Variants in APBB2 observed in about 807,000 individuals in gnomAD.
APBB2 encodes the protein Fe65-like 1.
In APBB2, 38 loss-of-function variants were observed where a neutral mutation model predicts 82.5. The ratio of observed to expected loss-of-function variants is 0.46; its 90% CI spans 0.36 to 0.60. The LOEUF is 0.60. Among genes scored for constraint, APBB2 ranks in the 20% least tolerant of loss-of-function variants. The pLI is 0.00. For missense variants in APBB2, 772 were observed against 972.3 expected (o/e 0.79, Z 2.74); for synonymous variants, 341 against 368.2 (o/e 0.93, Z 0.85).
At chr4:40,960,061 C>G (rs1792664768) in intron 6 of APBB2, among the ~76,000 whole-genome samples, 1 of 152,132 alleles carries the variant, frequency 6.6e-6, no homozygotes, top group African/African-American at 2.4e-5. Flanking sequence ...TTAAAAAAAT[C>G]AGTAGAACGG....
chr4:41,180,806 C>A (rs1469508855), intron 1 of APBB2, among the ~76,000 whole-genome samples: 3 of 152,182 alleles, frequency 2.0e-5, no homozygotes, highest in South Asian at 4.2e-4. Flanking sequence ...CTATGACCAT[C>A]CTCAAGAGGC....
chr4:41,093,551 G>T (rs1333657516), intron 3 of APBB2, among the ~76,000 whole-genome samples: 2 of 151,924 alleles, frequency 1.3e-5, no homozygotes, highest in African/African-American at 4.8e-5. Flanking sequence ...TCTTGCCAAG[G>T]GTTAAAAAGT....
At chr4:41,072,700 A>G (rs893148093) in intron 3 of APBB2, among the ~76,000 whole-genome samples, 2 of 152,320 alleles carry the variant, frequency 1.3e-5, no homozygotes, top group Non-Finnish European at 2.9e-5. Flanking sequence ...ACCTGCCCGG[A>G]GCGTGTTATT....
chr4:41,130,899 T>C (rs1283566457), intron 2 of APBB2, among the ~76,000 whole-genome samples: 1 of 152,128 alleles, frequency 6.6e-6, no homozygotes, highest in Non-Finnish European at 1.5e-5. Flanking sequence ...TAGGATCCTG[T>C]GGCCTTCAGC....
At chr4:40,944,728 C>T in intron 7 of APBB2, 137 bp downstream of exon 7, 1 of 805,282 alleles carries the variant, frequency 1.2e-6, no homozygotes, top group Non-Finnish European at 2.0e-6. Flanking sequence ...GGAAGCATTA[C>T]TGAGATTTCA....
At chr4:40,819,455 G>T (rs1560598860) in intron 17 of APBB2, among the ~76,000 whole-genome samples, 1 of 151,874 alleles carries the variant, frequency 6.6e-6, no homozygotes, top group Non-Finnish European at 1.5e-5. Flanking sequence ...CAAAGTATTG[G>T]GATTACAGGC....
At chr4:41,181,597 A>G (rs993488060) in intron 1 of APBB2, among the ~76,000 whole-genome samples, 5 of 152,190 alleles carry the variant, frequency 3.3e-5, no homozygotes, top group Non-Finnish European at 7.3e-5. Flanking sequence ...CTCCTTAAGA[A>G]CTCAGTATTA....
intron 1 of APBB2, among the ~76,000 whole-genome samples, chr4:41,158,480 C>T (rs1764021948): frequency 6.6e-6 from 1 of 152,276 alleles, no homozygotes; most frequent in East Asian, 1.9e-4. Flanking sequence ...GAAAACTTTT[C>T]CAAAAGGTAC....
At chr4:41,025,968 A>C (rs1713998724) in intron 5 of APBB2, among the ~76,000 whole-genome samples, 1 of 149,878 alleles carries the variant, frequency 6.7e-6, no homozygotes, top group South Asian at 2.1e-4. Context: ...AAAAAAGAAA[A>C]AAAGGAAAAT....
intron 6 of APBB2, among the ~76,000 whole-genome samples, chr4:40,988,443 C>G (rs1353178047): frequency 6.6e-6 from 1 of 151,786 alleles, no homozygotes; most frequent in Non-Finnish European, 1.5e-5. Flanking sequence ...CGAGACCAGT[C>G]TGGCCAAAAT....
At chr4:41,196,308 T>C in intron 1 of APBB2, among the ~76,000 whole-genome samples, 4 of 152,158 alleles carry the variant, frequency 2.6e-5, no homozygotes, top group Non-Finnish European at 1.5e-5. Context: ...TGGGTGCAAG[T>C]GCCACCAAAG....
At chr4:41,169,232 T>C (rs1303131359) in intron 1 of APBB2, among the ~76,000 whole-genome samples, 1 of 133,360 alleles carries the variant, frequency 7.5e-6, no homozygotes, top group Non-Finnish European at 1.6e-5. Context: ...GAAGGAAAGG[T>C]AAGGAAGAGC....
At chr4:40,924,262 C>T (rs1023572477) in intron 10 of APBB2, among the ~76,000 whole-genome samples, 1 of 152,178 alleles carries the variant, frequency 6.6e-6, no homozygotes, top group Non-Finnish European at 1.5e-5. Flanking sequence ...ACCTTGGTTT[C>T]GTGATTCAAC....
chr4:41,177,563 T>C (rs1160431610), intron 1 of APBB2: 3 of 152,250 alleles, frequency 2.0e-5, no homozygotes, highest in Non-Finnish European at 4.4e-5. Flanking sequence ...GGTTACCTTA[T>C]CTTCGTTCAT....
intron 6 of APBB2, among the ~76,000 whole-genome samples, chr4:40,961,558 T>C (rs891012379): frequency 4.1e-5 from 6 of 147,526 alleles, no homozygotes; most frequent in Admixed American, 2.1e-4. Flanking sequence ...GTCGAGTTAG[T>C]GGGTGCAGCG....
intron 2 of APBB2, among the ~76,000 whole-genome samples, chr4:41,141,380 G>A (rs566683251): frequency 6.6e-5 from 10 of 152,232 alleles, no homozygotes; most frequent in East Asian, 5.8e-4. Flanking sequence ...GCATGTGTGC[G>A]TGTGCATGTG....
intron 3 of APBB2, among the ~76,000 whole-genome samples, chr4:41,076,697 A>G (rs898179292): frequency 2.6e-5 from 4 of 152,236 alleles, no homozygotes; most frequent in African/African-American, 4.8e-5. Flanking sequence ...AATAAAGATG[A>G]CAAGATGAAC....
intron 1 of APBB2, among the ~76,000 whole-genome samples, chr4:41,212,511 T>C (rs769979365): frequency 4.6e-5 from 7 of 152,200 alleles, no homozygotes; most frequent in Non-Finnish European, 7.3e-5. Flanking sequence ...CCAGTTCACA[T>C]TGGCTCCTTG....
At chr4:40,871,271 A>C (rs1007550147) in intron 12 of APBB2, among the ~76,000 whole-genome samples, 1 of 152,188 alleles carries the variant, frequency 6.6e-6, no homozygotes, top group African/African-American at 2.4e-5. Flanking sequence ...CAGACTCCTG[A>C]GTAGCTGGGA....
Sources: allele counts gnomAD v4.1 joint callset (sites outside exome capture counted in the v4.1 genomes callset), GRCh38; gene constraint gnomAD v4.1.1; transcripts MANE v1.5; gene names NCBI Gene and HGNC (gene_info 2026-07-23, HGNC 2026-07-21).